CSNK1G3: variants seen among roughly 807,000 people sequenced by gnomAD.
CSNK1G3 encodes casein kinase 1 gamma 3.
A neutral mutation model predicts 64.3 loss-of-function variants in CSNK1G3; 23 were observed. The ratio of observed to expected loss-of-function variants is 0.36; its 90% confidence interval spans 0.26 to 0.51. The LOEUF (loss-of-function observed/expected upper bound fraction) is 0.51, where lower values mean the gene tolerates loss of function less well. Among genes scored for constraint, CSNK1G3 ranks in the 20% least tolerant of loss-of-function variants. The pLI, the probability that CSNK1G3 is intolerant of heterozygous loss-of-function variation, is 0.96. For missense variants in CSNK1G3, 357 were observed against 510.5 expected (o/e 0.70, Z 2.90); for synonymous variants, 158 against 162.2 (o/e 0.97, Z 0.20).
chr5:123,570,021 G>A (rs558168980), intron 4 of CSNK1G3, among the ~76,000 whole-genome samples: 1 of 152,180 alleles, frequency 6.6e-6, no homozygotes, highest in Non-Finnish European at 1.5e-5. Flanking sequence ...GTGGATTTTT[G>A]AATATTAACC....
At chr5:123,590,685 G>A (rs2150974975) in intron 9 of CSNK1G3, 127 bp downstream of exon 9, 1 of 577,700 alleles carries the variant, frequency 1.7e-6, no homozygotes, top group Non-Finnish European at 2.7e-6. Context: ...TGTTTTTTAA[G>A]GGACATTTCT....
intron 1 of CSNK1G3, among the ~76,000 whole-genome samples, chr5:123,514,582 G>T (rs1281855091): frequency 5.3e-5 from 8 of 152,120 alleles, no homozygotes; most frequent in African/African-American, 1.7e-4. Context: ...TTTGTTGGAG[G>T]TGTATTGGAA....
At chr5:123,581,193 T>C (rs1790174524) in intron 6 of CSNK1G3, among the ~76,000 whole-genome samples, 2 of 151,582 alleles carry the variant, frequency 1.3e-5, no homozygotes, top group African/African-American at 4.8e-5. Flanking sequence ...ACATAATTGG[T>C]ATTTTCTTGA....
At chr5:123,556,175 CTT>C (rs928998273) in intron 3 of CSNK1G3, among the ~76,000 whole-genome samples, 10 of 152,018 alleles carry the variant, frequency 6.6e-5, no homozygotes, top group Non-Finnish European at 1.3e-4. Flanking sequence ...TGTAATAAAA[CTT>C]ATAAGTTTTG....
intron 12 of CSNK1G3, among the ~76,000 whole-genome samples, chr5:123,606,862 T>C (rs1485416607): frequency 6.6e-6 from 1 of 152,196 alleles, no homozygotes; most frequent in Non-Finnish European, 1.5e-5. Context: ...TGTTCTTAAG[T>C]AGATTACAAG....
At position 123,605,248 on chromosome 5, in the gene CSNK1G3, A is replaced by G. The variant is rs541158186; in HGVS notation, c.1194-91A>G. On this transcript the variant is annotated intron_variant, in intron 11 of 12. Transcript: ENST00000345990. Reference sequence around the variant, plus strand: ...CATTGCTTGGAAAAAATTAAGCATGAAAAACAATGTGATAATTTCAATGTG... The same window carrying G: ...CATTGCTTGGAAAAAATTAAGCATGGAAAACAATGTGATAATTTCAATGTG... 2,380 of 1,197,078 alleles carry G rather than the reference A, an allele frequency of 2.0e-3. 9 individuals are homozygous for G. Among genetic ancestry groups the G allele is most frequent in the Admixed American group, 3.4e-3 (140 of 41,470 alleles). The allele number at this position is 1,197,078 out of a possible 1,614,324, so 74.2% of individuals were successfully genotyped here. A position where few individuals can be genotyped will look rare whatever the true frequency, so the allele number is the denominator to read the frequency against.
At chr5:123,590,612 A>G (rs1334928997) in intron 9 of CSNK1G3, 54 bp downstream of exon 9, 17 of 1,066,690 alleles carry the variant, frequency 1.6e-5, no homozygotes, top group Non-Finnish European at 2.0e-5. Flanking sequence ...CCTTTTTAAT[A>G]GTACAATATC....
chr5:123,543,998 A>G (rs1782116002), intron 1 of CSNK1G3, among the ~76,000 whole-genome samples: 1 of 152,162 alleles, frequency 6.6e-6, no homozygotes, highest in Non-Finnish European at 1.5e-5. Context: ...ATAAACTGTA[A>G]GTCTGCCTTT....
intron 1 of CSNK1G3, among the ~76,000 whole-genome samples, chr5:123,516,201 G>C (rs1777138568): frequency 6.6e-6 from 1 of 152,142 alleles, no homozygotes; most frequent in African/African-American, 2.4e-5. Flanking sequence ...GTGGGATCCT[G>C]TAGGTGCAGA....
chr5:123,549,431 G>A (rs950130975), intron 2 of CSNK1G3, among the ~76,000 whole-genome samples: 6 of 152,110 alleles, frequency 3.9e-5, no homozygotes, highest in Non-Finnish European at 7.4e-5. Context: ...TATGATATGT[G>A]CTCTAACCAA....
At position 123,563,542 on chromosome 5, in the gene CSNK1G3, G is replaced by C. The variant is rs182644021; in HGVS notation, c.289+5978G>C. ...TTCACTTTATTTTTAAGATGATTTA[G>C]TTCCGTCTGCTGGTTAAATGAACGT... On this transcript the variant is annotated intron_variant, in intron 4 of 12. Transcript: ENST00000345990. 2.9e-4 allele frequency among the ~76,000 whole-genome samples: 44 copies of C among 152,076 alleles called. 1 individual carries two copies. Among genetic ancestry groups the C allele is most frequent in the Middle Eastern group, 3.4e-3 (1 of 294 alleles).
intron 6 of CSNK1G3, among the ~76,000 whole-genome samples, chr5:123,586,024 C>G (rs1791259638): frequency 6.6e-6 from 1 of 152,090 alleles, no homozygotes; most frequent in African/African-American, 2.4e-5. Context: ...TCACAATAGC[C>G]CCAAACTGGA....
intron 1 of CSNK1G3, among the ~76,000 whole-genome samples, chr5:123,521,417 C>T (rs1778079642): frequency 6.6e-6 from 1 of 152,052 alleles, no homozygotes; most frequent in Non-Finnish European, 1.5e-5. Context: ...AATAAAGTAT[C>T]AAAATATAAT....
intron 5 of CSNK1G3, among the ~76,000 whole-genome samples, chr5:123,575,289 A>C (rs1788951092): frequency 6.6e-6 from 1 of 152,222 alleles, no homozygotes; most frequent in Non-Finnish European, 1.5e-5. Flanking sequence ...GTTTTTACTT[A>C]ATAGTTTAGA....
intron 4 of CSNK1G3, among the ~76,000 whole-genome samples, chr5:123,561,453 G>T (rs1785697593): frequency 6.6e-6 from 1 of 152,190 alleles, no homozygotes; most frequent in South Asian, 2.1e-4. Context: ...TGTGAAAGCA[G>T]TAGCTTAAAC....
At chr5:123,553,023 G>A (rs932249009) in intron 2 of CSNK1G3, 84 bp from the exon 3 acceptor site, 3 of 717,762 alleles carry the variant, frequency 4.2e-6, no homozygotes, top group East Asian at 3.0e-5. Flanking sequence ...AATGTATTAT[G>A]TGCTTTTTTT....
intron 1 of CSNK1G3, among the ~76,000 whole-genome samples, chr5:123,530,524 A>G (rs1049761030): frequency 5.9e-5 from 9 of 152,146 alleles, no homozygotes; most frequent in African/African-American, 2.2e-4. Flanking sequence ...ATTTATCCTT[A>G]TTACATATGT....
At chr5:123,600,124 GTCACTCTT>G (rs1397361241) in intron 10 of CSNK1G3, among the ~76,000 whole-genome samples, 1 of 152,036 alleles carries the variant, frequency 6.6e-6, no homozygotes, top group Non-Finnish European at 1.5e-5. Flanking sequence ...TTATTTGGAA[GTCACTCTT>G]TTAACTGTTA....
intron 1 of CSNK1G3, among the ~76,000 whole-genome samples, chr5:123,520,755 TA>T (rs1461444797): frequency 5.3e-5 from 8 of 152,100 alleles, no homozygotes; most frequent in African/African-American, 7.2e-5. Context: ...TTGTGTTATT[TA>T]TTTTTTTAGT....
Sources: allele counts gnomAD v4.1 joint callset (sites outside exome capture counted in the v4.1 genomes callset), GRCh38; gene constraint gnomAD v4.1.1; transcripts MANE v1.5; gene names NCBI Gene and HGNC (gene_info 2026-07-23, HGNC 2026-07-21).